Variants in CNTN4 observed in about 807,000 individuals in gnomAD.
CNTN4 encodes the protein contactin-4.
CNTN4 carries 77 observed loss-of-function variants against 122.5 expected under a neutral mutation model. The observed-to-expected ratio is 0.63, with a 90% CI of 0.52 to 0.76. The LOEUF is 0.76. CNTN4 is among the 30% of genes least tolerant of loss of function. The pLI is 0.00. For synonymous variants in CNTN4, 512 were observed against 447.0 expected, an observed-to-expected ratio of 1.15 and a Z score of -1.83; for missense variants, 1,256 against 1,259.1, an observed-to-expected ratio of 1.00 and a Z score of 0.04.
At chr3:2,838,512 T>C (rs2093280635) in intron 7 of CNTN4, among the ~76,000 whole-genome samples, 1 of 151,362 alleles carries the variant, frequency 6.6e-6, no homozygotes, top group South Asian at 2.1e-4. Context: ...TAAGAGTTTC[T>C]GTTGCCAGAC....
rs114799381 is a variant in CNTN4 at position 2,286,098 on chromosome 3, T to A, written c.-144-53080T>A. 8.1e-3 allele frequency among the ~76,000 whole-genome samples: 1,227 copies of A among 152,134 alleles called. 18 individuals are homozygous for A. Among genetic ancestry groups the A allele is most frequent in the African/African-American group, 0.028 (1,162 of 41,520 alleles). On this transcript the variant is annotated intron_variant, in intron 2 of 24. Transcript: ENST00000418658. The stretch of plus-strand genomic sequence containing the variant: ...CCTTGCTGACTTTGGGTGGCTTTTT[T>A]ATTCTGTTTCCCATTTTTATAAGCA...
At chr3:2,155,925 G>A (rs946715765) in intron 2 of CNTN4, among the ~76,000 whole-genome samples, 12 of 152,142 alleles carry the variant, frequency 7.9e-5, no homozygotes, top group Non-Finnish European at 1.0e-4. Context: ...TGTTGTCATA[G>A]CACCTTTGCT....
chr3:2,895,536 C>T (rs370911889), intron 10 of CNTN4, among the ~76,000 whole-genome samples: 8 of 152,086 alleles, frequency 5.3e-5, no homozygotes, highest in Admixed American at 1.3e-4. Flanking sequence ...CCTTGCTATC[C>T]GTGCTATCTG....
intron 7 of CNTN4, among the ~76,000 whole-genome samples, chr3:2,855,799 A>T (rs986471772): frequency 6.6e-6 from 1 of 152,202 alleles, no homozygotes; most frequent in African/African-American, 2.4e-5. Flanking sequence ...ATTCTTGGCC[A>T]GTCAGTCATA....
At chr3:2,692,239 T>C (rs149876564) in intron 4 of CNTN4, among the ~76,000 whole-genome samples, 80 of 152,320 alleles carry the variant, frequency 5.3e-4, no homozygotes, top group Non-Finnish European at 7.2e-4. Context: ...GAGGAAAAGT[T>C]GGCAAGAAGC....
intron 6 of CNTN4, among the ~76,000 whole-genome samples, chr3:2,793,161 C>G (rs2092065590): frequency 6.6e-6 from 1 of 152,098 alleles, no homozygotes; most frequent in Non-Finnish European, 1.5e-5. Context: ...TCACAATTAG[C>G]TTCATCCGAA....
Position 2,385,897 on chromosome 3 carries a change from C to G in CNTN4, c.-89+46664C>G, listed in dbSNP as rs1267216366. 1.3e-5 allele frequency among the ~76,000 whole-genome samples: 2 copies of G among 152,076 alleles called. No homozygotes were observed. Among genetic ancestry groups the G allele is most frequent in the Non-Finnish European group, 2.9e-5 (2 of 68,032 alleles). On this transcript the variant is annotated intron_variant, in intron 3 of 24. Coordinates refer to ENST00000418658, the MANE Select transcript of CNTN4 (RefSeq NM_175607.3). The surrounding 1 kb of genome is among the most constrained non-coding windows in gnomAD (Gnocchi z 4.0). The stretch of plus-strand genomic sequence containing the variant: ...ACACAATTCAACCCATAACAATGTT[C>G]CATCAATATTTGATAAATGAATGAA...
At chr3:2,329,992 A>G (rs74837826) in intron 2 of CNTN4, among the ~76,000 whole-genome samples, 1,762 of 152,138 alleles carry the variant, frequency 0.012, 44 homozygotes, top group African/African-American at 0.04. Flanking sequence ...TACAGTCAGA[A>G]CCCACATGTT....
At chr3:2,539,766 G>A (rs528619289) in intron 3 of CNTN4, among the ~76,000 whole-genome samples, 2 of 152,028 alleles carry the variant, frequency 1.3e-5, no homozygotes, top group African/African-American at 2.4e-5. Context: ...GAACATCTAC[G>A]TACTTCAAAG....
chr3:2,215,721 A>G (rs892014571), intron 2 of CNTN4, among the ~76,000 whole-genome samples: 3 of 151,922 alleles, frequency 2.0e-5, no homozygotes, highest in African/African-American at 7.3e-5. Context: ...TCTCTACTAA[A>G]AATACAAAAA....
At chr3:2,814,626 A>G (rs2092687205) in intron 6 of CNTN4, among the ~76,000 whole-genome samples, 1 of 152,192 alleles carries the variant, frequency 6.6e-6, no homozygotes, top group Non-Finnish European at 1.5e-5. Flanking sequence ...ATTTAAATGA[A>G]CGTTTTTGTG....
intron 4 of CNTN4, among the ~76,000 whole-genome samples, chr3:2,582,880 A>G (rs1413217937): frequency 7.1e-6 from 1 of 140,430 alleles, no homozygotes; most frequent in African/African-American, 2.7e-5. Context: ...TCCCAGACCA[A>G]TGCTTTAAAA....
intron 3 of CNTN4, among the ~76,000 whole-genome samples, chr3:2,456,514 C>T (rs75819204): frequency 0.022 from 3,423 of 152,212 alleles, 126 homozygotes; most frequent in African/African-American, 0.077. Flanking sequence ...AGTTACTCAG[C>T]ATTCCTCTTC....
chr3:2,554,061 T>A (rs1433349182), intron 3 of CNTN4, among the ~76,000 whole-genome samples: 1 of 152,176 alleles, frequency 6.6e-6, no homozygotes, highest in East Asian at 1.9e-4. Flanking sequence ...TTAATCTACA[T>A]CACAAACCTT....
intron 4 of CNTN4, among the ~76,000 whole-genome samples, chr3:2,593,524 T>C (rs1275344297): frequency 6.6e-6 from 1 of 152,294 alleles, no homozygotes; most frequent in East Asian, 1.9e-4. Flanking sequence ...GTAATAGTTA[T>C]TGATTTTTAA....
At chr3:2,251,242 A>G (rs934045444) in intron 2 of CNTN4, among the ~76,000 whole-genome samples, 2 of 151,876 alleles carry the variant, frequency 1.3e-5, no homozygotes, top group Admixed American at 1.3e-4. Context: ...GCCACCTAAG[A>G]TATTAAATAT....
rs906503985 is a variant in CNTN4, at chr3:2,970,130, C to T, written c.1359-18215C>T. 4.6e-5 allele frequency among the ~76,000 whole-genome samples: 7 copies of T among 152,254 alleles called. No individual in the cohort carries two copies. In the South Asian group the frequency reaches 6.2e-4, roughly 14 times the overall value. On this transcript the variant is annotated intron_variant, in intron 13 of 24. Coordinates refer to ENST00000418658, the MANE Select transcript of CNTN4 (RefSeq NM_175607.3). ...TTTAAGAGAGACAGTCTTGCTCTGT[C>T]GCCCAGGCTGGAGTGCAGCAGCAGC...
At chr3:2,425,149 C>G (rs549546922) in intron 3 of CNTN4, among the ~76,000 whole-genome samples, 1 of 152,266 alleles carries the variant, frequency 6.6e-6, no homozygotes, top group African/African-American at 2.4e-5. Flanking sequence ...CTTGCCCATT[C>G]CTATGTCCTG....
chr3:2,119,955 G>A (rs2033611701), intron 2 of CNTN4, among the ~76,000 whole-genome samples: 1 of 152,090 alleles, frequency 6.6e-6, no homozygotes, highest in African/African-American at 2.4e-5. Flanking sequence ...TCTAGTGTAG[G>A]TGGCAGAGTC....
Sources: gnomAD v4.1 joint callset for allele counts (sites outside exome capture counted in the v4.1 genomes callset) on GRCh38, gnomAD v4.1.1 for gene constraint, Gnocchi (gnomAD v3.1) non-coding constraint, MANE v1.5 for transcripts, NCBI Gene and HGNC (gene_info 2026-07-23, HGNC 2026-07-21) for gene names.